The following ARMH3 variants were observed in gnomAD, a reference collection of about 807,000 sequenced individuals.
ARMH3 encodes armadillo-like helical domain-containing protein 3.
In ARMH3, 60 loss-of-function variants were observed where a neutral mutation model predicts 99.1. That is an observed-to-expected ratio of 0.61 (90% CI 0.49 to 0.75). ARMH3 has a LOEUF of 0.75. Among genes scored for constraint, ARMH3 ranks in the 30% least tolerant of loss-of-function variants. The pLI is 0.00. For missense variants in ARMH3, 679 were observed against 843.1 expected, an observed-to-expected ratio of 0.81 and a Z score of 2.41; for synonymous variants, 285 against 292.8, an observed-to-expected ratio of 0.97 and a Z score of 0.27.
chr10:102,002,279 G>A (rs892492341), intron 14 of ARMH3, among the ~76,000 whole-genome samples: 10 of 151,964 alleles, frequency 6.6e-5, no homozygotes, highest in African/African-American at 1.9e-4. Flanking sequence ...TAAGCCCAGT[G>A]ACCTGCTCTC....
At chr10:101,993,990 C>T (rs1324829565) in intron 16 of ARMH3, among the ~76,000 whole-genome samples, 1 of 152,172 alleles carries the variant, frequency 6.6e-6, no homozygotes, top group Admixed American at 6.5e-5. Context: ...TGTGCAGGCT[C>T]CACATGAGGG....
At chr10:101,885,692 G>A (rs770113614) in intron 24 of ARMH3, among the ~76,000 whole-genome samples, 50 of 152,304 alleles carry the variant, frequency 3.3e-4, no homozygotes, top group Middle Eastern at 3.4e-3. Flanking sequence ...GCCCTGGAGA[G>A]AAGGAGAGCA....
chr10:101,856,157 T>A (rs2066733269), intron 24 of ARMH3, among the ~76,000 whole-genome samples: 1 of 152,178 alleles, frequency 6.6e-6, no homozygotes. Flanking sequence ...TGTTTGAGCT[T>A]TAATGACTAC....
At position 101,847,573 on chromosome 10, in the gene ARMH3, T is replaced by G. The variant is rs1010145430; in HGVS notation, c.2025A>C (p.Thr675=). The G allele has an allele frequency of 1.9e-6, 3 of 1,613,546 alleles. No homozygotes were observed. The highest frequency in any genetic ancestry group is 1.6e-4 in the Middle Eastern group (1 of 6,082). The change falls in exon 26 of 26, where the codon ACA becomes ACC. Residue 675 remains threonine (T), a synonymous_variant. Coordinates refer to ENST00000370033, the MANE Select transcript of ARMH3 (RefSeq NM_024541.3). ...CCTTGAGCAGGACTTCTTGGCTGAG[T>G]GTGTGGAAGGCCAGGTTTCTCCGGA... The part of the protein sequence containing the change: ...TNVRRNLAFH[T]LSQEVLLKEF...
chr10:101,849,793 C>A lies in ARMH3; in HGVS notation c.1960G>T (p.Ala654Ser), dbSNP rs370067314. Residue 654 changes from alanine (A) to serine (S), a missense_variant, in exon 25 of 26, where the codon GCC (alanine) becomes TCC (serine). Physicochemically the swap from Ala to Ser is moderately conservative, Grantham distance 99 (BLOSUM62 1). This residue lies in a region of ARMH3 where 389 missense variants were observed against 456.5 expected (regional missense o/e 0.85). Transcript: ENST00000370033. ...ERYSEQHKEA[A>S]FFKELVRSIS... ...GCACTCACCAGCTCTTTGAAGAAGGCAGCTTCCTTGTGCTGCTCTGAGTAG... is the reference window on the plus strand; with the variant it reads ...GCACTCACCAGCTCTTTGAAGAAGGAAGCTTCCTTGTGCTGCTCTGAGTAG... 12 of 1,614,072 alleles carry A rather than the reference C, an allele frequency of 7.4e-6. No homozygotes were observed. In the African/African-American group the frequency reaches 1.5e-4, roughly 20 times the overall value.
chr10:101,941,944 A>G (rs958925141), intron 22 of ARMH3, among the ~76,000 whole-genome samples: 3 of 152,326 alleles, frequency 2.0e-5, no homozygotes, highest in Non-Finnish European at 2.9e-5. Context: ...GAACCTAGAC[A>G]TTTATGAAAT....
chr10:101,997,694 G>A (rs1054481961), intron 15 of ARMH3, among the ~76,000 whole-genome samples: 3 of 151,878 alleles, frequency 2.0e-5, no homozygotes, highest in Admixed American at 1.3e-4. Context: ...TAAGTTGGGT[G>A]GTAGGTTCAC....
At chr10:101,901,567 G>A (rs892464802) in intron 23 of ARMH3, among the ~76,000 whole-genome samples, 3 of 152,138 alleles carry the variant, frequency 2.0e-5, no homozygotes, top group African/African-American at 7.2e-5. Flanking sequence ...AGAGAGCTTC[G>A]CCCTTCTCGT....
intron 19 of ARMH3, among the ~76,000 whole-genome samples, chr10:101,979,186 A>G (rs1483862421): frequency 6.6e-6 from 1 of 152,148 alleles, no homozygotes. Context: ...ACTGGTATAC[A>G]AACAGTAATG....
Position 101,848,745 on chromosome 10 carries a change from C to T in ARMH3, c.1977+1031G>A, listed in dbSNP as rs570290079. ...TGAGTGTCTCAGAGCCTCGAGACAC[C>T]GCTCCCGTAACCCTCTCCAGCTCCT... On this transcript the variant is annotated intron_variant, in intron 25 of 25. Transcript: ENST00000370033. Among the ~76,000 whole-genome samples, 21 of 152,094 alleles carry T rather than the reference C, an allele frequency of 1.4e-4. No individual in the cohort carries two copies. In the South Asian group the frequency reaches 1.9e-3, roughly 14 times the overall value.
At chr10:102,055,334 A>C (rs754588660) in intron 1 of ARMH3, among the ~76,000 whole-genome samples, 28 of 151,978 alleles carry the variant, frequency 1.8e-4, no homozygotes, top group Admixed American at 9.8e-4. Flanking sequence ...AATAAAATAA[A>C]ATAAAAAACT....
intron 22 of ARMH3, among the ~76,000 whole-genome samples, chr10:101,953,179 G>C (rs1340997838): frequency 6.6e-6 from 1 of 152,122 alleles, no homozygotes; most frequent in Admixed American, 6.5e-5. Flanking sequence ...ACACAGGCTG[G>C]AGTGCAGTGG....
rs531670616 is a variant in ARMH3 at position 101,954,114 on chromosome 10, C to T, written c.1705+2483G>A. Among the ~76,000 whole-genome samples, 5 of 152,270 alleles carry T rather than the reference C, an allele frequency of 3.3e-5. No homozygotes were observed. In the South Asian group the frequency reaches 1.0e-3, roughly 32 times the overall value. ...GGCTAAAGTGGGAGGATTGCTTGAG[C>T]TCAGGAGGTAAAAGCTCCAGTGAGC... On this transcript the variant is annotated intron_variant, in intron 22 of 25. Transcript: ENST00000370033.
chr10:101,983,170 A>C (rs1323008845), intron 19 of ARMH3, among the ~76,000 whole-genome samples: 1 of 152,248 alleles, frequency 6.6e-6, no homozygotes, highest in African/African-American at 2.4e-5. Context: ...GTTGGTCACC[A>C]GGGAGACCAA....
At chr10:101,993,411 G>A (rs909597059) in intron 17 of ARMH3, 127 bp downstream of exon 17, 22 of 613,942 alleles carry the variant, frequency 3.6e-5, no homozygotes, top group South Asian at 2.5e-4. Context: ...TTGAACAGCC[G>A]TCATGCAAAG....
At chr10:102,009,242 C>G (rs2066576637) in intron 13 of ARMH3, 132 bp downstream of exon 13, 3 of 779,214 alleles carry the variant, frequency 3.9e-6, no homozygotes, top group Non-Finnish European at 6.4e-6. Context: ...GCAACTGATT[C>G]AACTCCTTGT....
At chr10:102,018,329 C>T (rs2066795921) in intron 8 of ARMH3, among the ~76,000 whole-genome samples, 5 of 152,228 alleles carry the variant, frequency 3.3e-5, no homozygotes, top group Middle Eastern at 3.4e-3. Context: ...AATTCAGGGG[C>T]AAAAAGAACT....
At chr10:102,055,760 G>A (rs1279684316) in intron 1 of ARMH3, among the ~76,000 whole-genome samples, 2 of 152,204 alleles carry the variant, frequency 1.3e-5, no homozygotes, top group Non-Finnish European at 2.9e-5. Context: ...GCAGCTGGCG[G>A]GGTCAAAGGT....
intron 25 of ARMH3, among the ~76,000 whole-genome samples, chr10:101,848,634 A>G (rs1230748782): frequency 1.3e-5 from 2 of 152,152 alleles, no homozygotes; most frequent in East Asian, 3.9e-4. Context: ...AGGAAACTTG[A>G]GCTCATTAGC....
Sources: gnomAD v4.1 joint callset for allele counts (sites outside exome capture counted in the v4.1 genomes callset) on GRCh38, gnomAD v4.1.1 for gene constraint, gnomAD v4.1.1 regional missense constraint, MANE v1.5 for transcripts, NCBI Gene and HGNC (gene_info 2026-07-23, HGNC 2026-07-21) for gene names.